The following TMPO variants were observed in gnomAD, a reference collection of about 807,000 sequenced individuals.
TMPO encodes the protein thymopoietin.
TMPO carries 22 observed loss-of-function variants against 45.4 expected under a neutral mutation model. That is an observed-to-expected ratio of 0.48 (90% CI 0.35 to 0.69). The LOEUF is 0.69. Ranked by LOEUF, TMPO falls within the 30% of genes least tolerant of loss-of-function variation. TMPO has a pLI of 0.01. For missense variants in TMPO, 512 were observed against 548.8 expected, an observed-to-expected ratio of 0.93 and a Z score of 0.67; for synonymous variants, 241 against 204.1, an observed-to-expected ratio of 1.18 and a Z score of -1.54.
At position 98,527,916 on chromosome 12, in the gene TMPO, C is replaced by T; in HGVS notation, c.310C>T (p.Gln104Ter). The T allele has an allele frequency of 6.2e-7, 1 of 1,613,780 alleles. No homozygotes were observed. The highest frequency in any genetic ancestry group is 8.5e-7 in the Non-Finnish European group (1 of 1,179,850). ...CACAAAAAAAACTGATAAACCCAGA[C>T]AAGAAGATAAAGATGATCTAGATGT... ...KATKKTDKPR[Q>*]EDKDDLDVTE... The change falls in exon 2 of 9, where the codon CAA becomes TAA. Residue 104 changes from glutamine to a stop codon, truncating the protein, a stop_gained. Coordinates refer to ENST00000556029, the MANE Select transcript of TMPO (RefSeq NM_001032283.3). LOFTEE classifies it high-confidence loss of function.
Position 98,515,834 on chromosome 12 carries a change from A to G in TMPO, c.-34A>G. 6.3e-7 allele frequency: 1 copy of G among 1,595,714 alleles called. No homozygotes were observed. Among genetic ancestry groups the G allele is most frequent in the Non-Finnish European group, 8.5e-7 (1 of 1,172,102 alleles). ...GCGCCGGCGTGAGCGGCGGCGGCAA[A>G]GGCTGTGGGGAGGGGGCTTCGCAGA... On this transcript the variant is annotated 5_prime_UTR_variant, in exon 1 of 9. Transcript: ENST00000556029.
At chr12:98,522,114 G>A (rs538683144) in intron 1 of TMPO, among the ~76,000 whole-genome samples, 3 of 152,128 alleles carry the variant, frequency 2.0e-5, no homozygotes, top group East Asian at 3.9e-4. Context: ...GCTCACTGCA[G>A]CCTCAAACTC....
chr12:98,535,713 AC>A (rs1877526087), intron 3 of TMPO: 1 of 946,196 alleles, frequency 1.1e-6, no homozygotes, highest in Non-Finnish European at 1.3e-6. Flanking sequence ...GTATATGAAC[AC>A]CCCTTTTCCA....
In TMPO at chr12:98,547,754, G is replaced by C; in HGVS notation, c.1261G>C (p.Val421Leu). The change falls in exon 9 of 9, where the codon GTT (valine) becomes CTT (leucine). Residue 421 changes from valine to leucine, a missense_variant. This residue lies in a region of TMPO where 209 missense variants were observed against 235.1 expected (regional missense o/e 0.89). Coordinates refer to ENST00000556029, the MANE Select transcript of TMPO (RefSeq NM_001032283.3). The part of the protein sequence containing the change: ...IPVWIKILLF[V>L]VVAVFLFLVY... ...CGTATGGATAAAAATTTTGCTGTTT[G>C]TTGTTGTGGCAGTTTTTTTGTTTTT... 6.2e-7 allele frequency: 1 copy of C among 1,614,170 alleles called. No individual in the cohort carries two copies. Among genetic ancestry groups the C allele is most frequent in the Non-Finnish European group, 8.5e-7 (1 of 1,180,030 alleles).
At chr12:98,542,604 G>A (rs1428765502) in intron 4 of TMPO, among the ~76,000 whole-genome samples, 1 of 152,124 alleles carries the variant, frequency 6.6e-6, no homozygotes, top group African/African-American at 2.4e-5. Flanking sequence ...GCTCACACCT[G>A]TAATCCCCGC....
intron 2 of TMPO, among the ~76,000 whole-genome samples, chr12:98,528,818 G>C (rs1217806836): frequency 2.0e-5 from 3 of 152,092 alleles, no homozygotes; most frequent in Non-Finnish European, 4.4e-5. Flanking sequence ...AATTAGCAGG[G>C]TGTGGTGTCA....
chr12:98,539,759 C>T (rs1877804163), intron 4 of TMPO, among the ~76,000 whole-genome samples: 1 of 152,198 alleles, frequency 6.6e-6, no homozygotes, highest in Non-Finnish European at 1.5e-5. Flanking sequence ...CAGGCATGAG[C>T]TACCGCACCT....
chr12:98,527,996 T>A lies in TMPO; in HGVS notation c.390T>A (p.Asn130Lys). The change falls in exon 2 of 9, where the codon AAT becomes AAA. Residue 130 changes from asparagine (N) to lysine (K), a missense_variant. Asn to Lys is a moderately conservative substitution (Grantham distance 94). Transcript: ENST00000556029. The part of the protein sequence containing the change: ...LLDQLVKYGV[N>K]PGPIVGTTRK... ...ATCAGCTTGTGAAATACGGAGTGAA[T>A]CCTGGTCCTATTGTGGGTAAGTTGA... 1 of 1,613,944 alleles carries A rather than the reference T, an allele frequency of 6.2e-7. No homozygotes were observed. Among genetic ancestry groups the A allele is most frequent in the Middle Eastern group, 1.7e-4 (1 of 6,058 alleles).
At chr12:98,546,472 A>G (rs376673871) in intron 8 of TMPO, 25 bp downstream of exon 8, 161 of 1,416,604 alleles carry the variant, frequency 1.1e-4, no homozygotes, top group South Asian at 1.1e-3. Context: ...TTAAACAAGT[A>G]CTAGTGTATT....
At chr12:98,537,674 G>T (rs1377775688) in intron 4 of TMPO, 102 bp downstream of exon 4, 2 of 895,506 alleles carry the variant, frequency 2.2e-6, no homozygotes, top group African/African-American at 1.6e-5. Context: ...ATTCCAGCAC[G>T]CTCAATAAAC....
chr12:98,515,597 G>C lies in TMPO; in HGVS notation c.-271G>C. ...CGTTCTTGGGGCGTGGGCGAAGCAG[G>C]CTGCTCGCCTCCTGCCTGTAGTGTG... On this transcript the variant is annotated 5_prime_UTR_variant, in exon 1 of 9. Coordinates refer to ENST00000556029, the MANE Select transcript of TMPO (RefSeq NM_001032283.3). 1.9e-6 allele frequency: 1 copy of C among 538,626 alleles called. No individual in the cohort carries two copies. The highest frequency in any genetic ancestry group is 3.4e-5 in the East Asian group (1 of 29,550). The allele number at this position is 538,626 out of a possible 1,614,324, so 33.4% of individuals were successfully genotyped here.
Position 98,541,947 on chromosome 12 carries a change from C to T in TMPO, c.664-2283C>T, listed in dbSNP as rs569576760. Among the ~76,000 whole-genome samples the T allele has an allele frequency of 2.3e-3, 353 of 152,286 alleles. 4 individuals are homozygous for T. The highest frequency in any genetic ancestry group is 8.1e-3 in the African/African-American group (336 of 41,560). On this transcript the variant is annotated intron_variant, in intron 4 of 8. Coordinates refer to ENST00000556029, the MANE Select transcript of TMPO (RefSeq NM_001032283.3). The stretch of plus-strand genomic sequence containing the variant: ...ACCTAGAGATCACTCCATATCGGAA[C>T]GTAGCCATCTTCCTCATTGCTTTGT...
intron 4 of TMPO, among the ~76,000 whole-genome samples, chr12:98,541,865 A>G (rs1364804368): frequency 6.6e-6 from 1 of 152,080 alleles, no homozygotes; most frequent in African/African-American, 2.4e-5. Flanking sequence ...AGATTTTTAT[A>G]TGCTCCCCTT....
At chr12:98,533,262 T>G (rs1877326320) in intron 3 of TMPO, 1 of 1,613,788 alleles carries the variant, frequency 6.2e-7, no homozygotes, top group South Asian at 1.1e-5. Context: ...GAGAGAAAAG[T>G]GGAATTCAAC....
At position 98,516,166 on chromosome 12, in the gene TMPO, G is replaced by A; in HGVS notation, c.279+20G>A. 2 of 1,349,744 alleles carry A rather than the reference G, an allele frequency of 1.5e-6. No individual in the cohort carries two copies. The highest frequency in any genetic ancestry group is 1.9e-6 in the Non-Finnish European group (2 of 1,057,428). The allele number at this position is 1,349,744 out of a possible 1,614,324, so 83.6% of individuals were successfully genotyped here. A position where few individuals can be genotyped will look rare whatever the true frequency, so the allele number is the denominator to read the frequency against. Reference sequence around the variant, plus strand: ...GGCAGGGTAAGGACGCGGGGCCGGGGCTACAAAGGCGGGCGTTTGGCGGTT... The same window carrying A: ...GGCAGGGTAAGGACGCGGGGCCGGGACTACAAAGGCGGGCGTTTGGCGGTT... On this transcript the variant is annotated intron_variant, in intron 1 of 8. Transcript: ENST00000556029.
chr12:98,525,883 A>T (rs1876729709), intron 1 of TMPO, among the ~76,000 whole-genome samples: 1 of 152,184 alleles, frequency 6.6e-6, no homozygotes, highest in Non-Finnish European at 1.5e-5. Flanking sequence ...CATTCCATAC[A>T]ACTTGATAAT....
intron 4 of TMPO, among the ~76,000 whole-genome samples, chr12:98,543,349 C>T (rs544677461): frequency 6.6e-6 from 1 of 152,282 alleles, no homozygotes; most frequent in South Asian, 2.1e-4. Flanking sequence ...AACTGAAAAC[C>T]TTAAACTACT....
At chr12:98,521,752 A>T (rs1372251948) in intron 1 of TMPO, among the ~76,000 whole-genome samples, 3 of 151,976 alleles carry the variant, frequency 2.0e-5, no homozygotes, top group Non-Finnish European at 4.4e-5. Context: ...GTGTTTGAGA[A>T]GGAGTCTTGC....
Position 98,544,943 on chromosome 12 carries a change from C to T in TMPO, c.880-8C>T. On this transcript the variant is annotated splice_region_variant and splice_polypyrimidine_tract_variant and intron_variant, in intron 6 of 8. Coordinates refer to ENST00000556029, the MANE Select transcript of TMPO (RefSeq NM_001032283.3). ...AATTCTGAGTCTGAATAATTTGAATCTTGGCAGGTTGTCAATAGGGTGACT... is the reference window on the plus strand; with the variant it reads ...AATTCTGAGTCTGAATAATTTGAATTTTGGCAGGTTGTCAATAGGGTGACT... 2 of 1,589,982 alleles carry T rather than the reference C, an allele frequency of 1.3e-6. No homozygotes were observed. The highest frequency in any genetic ancestry group is 1.7e-6 in the Non-Finnish European group (2 of 1,159,468).
Sources: gnomAD v4.1 joint callset for allele counts (sites outside exome capture counted in the v4.1 genomes callset) on GRCh38, gnomAD v4.1.1 for gene constraint, gnomAD v4.1.1 regional missense constraint, MANE v1.5 for transcripts, NCBI Gene and HGNC (gene_info 2026-07-23, HGNC 2026-07-21) for gene names.